SUPT3H: variants seen among roughly 807,000 people sequenced by gnomAD.
SUPT3H encodes transcription initiation protein SPT3 homolog.
SUPT3H carries 44 observed loss-of-function variants against 44.3 expected under a neutral mutation model. That is an observed-to-expected ratio of 0.99 (90% CI 0.78 to 1.28). The LOEUF is 1.28. SUPT3H is among the 50% of genes most tolerant of loss of function. SUPT3H has a pLI of 0.00. For synonymous variants in SUPT3H, 124 were observed against 125.6 expected (o/e 0.99, Z 0.09); for missense variants, 380 against 387.1 (o/e 0.98, Z 0.15).
chr6:45,157,182 G>C (rs1807968366), intron 2 of SUPT3H, among the ~76,000 whole-genome samples: 1 of 151,910 alleles, frequency 6.6e-6, no homozygotes, highest in Admixed American at 6.6e-5. Flanking sequence ...TCGTAGAAAA[G>C]AGTTTCAATA....
chr6:45,359,132 A>G (rs1793791956), intron 2 of SUPT3H, among the ~76,000 whole-genome samples: 1 of 152,150 alleles, frequency 6.6e-6, no homozygotes, highest in Admixed American at 6.5e-5. Flanking sequence ...TTATCTTCTC[A>G]TGAGAGAATT....
intron 2 of SUPT3H, among the ~76,000 whole-genome samples, chr6:45,125,840 AT>A (rs1802353229): frequency 6.6e-6 from 1 of 151,750 alleles, no homozygotes; most frequent in Non-Finnish European, 1.5e-5. Flanking sequence ...AAAAAAAAAA[AT>A]CTTTCTGGTT....
chr6:44,863,479 A>G (rs1004488133), intron 10 of SUPT3H, among the ~76,000 whole-genome samples: 1 of 152,178 alleles, frequency 6.6e-6, no homozygotes, highest in Non-Finnish European at 1.5e-5. Context: ...GCTCTATAGT[A>G]AATGACAGAA....
chr6:44,819,783 AG>A (rs1767162005), intron 11 of SUPT3H, among the ~76,000 whole-genome samples: 1 of 152,114 alleles, frequency 6.6e-6, no homozygotes, highest in African/African-American at 2.4e-5. Context: ...ATCAAAAAAA[AG>A]AAAAAAGGAA....
chr6:45,342,979 A>C (rs1336600163), intron 2 of SUPT3H, among the ~76,000 whole-genome samples: 1 of 152,204 alleles, frequency 6.6e-6, no homozygotes, highest in African/African-American at 2.4e-5. Context: ...CATAACCCTG[A>C]GCAACCAACA....
chr6:45,176,641 G>A (rs1471149406), intron 2 of SUPT3H, among the ~76,000 whole-genome samples: 1 of 152,196 alleles, frequency 6.6e-6, no homozygotes, highest in African/African-American at 2.4e-5. Flanking sequence ...CAAACAAAAA[G>A]ACAGCAGTAA....
chr6:45,238,084 G>A (rs1769542216), intron 2 of SUPT3H, among the ~76,000 whole-genome samples: 2 of 152,134 alleles, frequency 1.3e-5, no homozygotes, highest in Non-Finnish European at 2.9e-5. Context: ...ATGTTAAACA[G>A]TCCAACAATT....
chr6:45,210,122 G>A (rs1385476017), intron 2 of SUPT3H, among the ~76,000 whole-genome samples: 6 of 151,936 alleles, frequency 3.9e-5, no homozygotes, highest in Non-Finnish European at 5.9e-5. Context: ...TAAGGCTACT[G>A]GAAAGGAAAA....
intron 1 of SUPT3H, among the ~76,000 whole-genome samples, chr6:45,368,459 TG>T (rs1343704681): frequency 1.3e-5 from 2 of 152,152 alleles, no homozygotes; most frequent in Non-Finnish European, 2.9e-5. Context: ...TTAATTGTAG[TG>T]AAGTTAATCA....
intron 2 of SUPT3H, among the ~76,000 whole-genome samples, chr6:45,290,455 T>TTAA (rs67882992): frequency 0.32 from 27,442 of 85,534 alleles, 4,085 homozygotes; most frequent in Non-Finnish European, 0.42. Flanking sequence ...GCATGGATGA[T>TTAA]CAAAAAAAAA....
intron 2 of SUPT3H, among the ~76,000 whole-genome samples, chr6:45,241,743 A>T (rs1042738103): frequency 2.0e-5 from 3 of 152,182 alleles, no homozygotes; most frequent in Non-Finnish European, 1.5e-5. Flanking sequence ...TGTGGCCAAG[A>T]AAGTACATGA....
chr6:44,859,034 T>C (rs1375054712), intron 10 of SUPT3H, among the ~76,000 whole-genome samples: 2 of 152,198 alleles, frequency 1.3e-5, no homozygotes, highest in African/African-American at 4.8e-5. Context: ...TTAATTTGGA[T>C]TGGGCCTTTC....
intron 2 of SUPT3H, among the ~76,000 whole-genome samples, chr6:45,145,181 G>T (rs1284439344): frequency 6.6e-6 from 1 of 151,718 alleles, no homozygotes; most frequent in Non-Finnish European, 1.5e-5. Flanking sequence ...AAAATTCATA[G>T]GGGACCAATA....
intron 2 of SUPT3H, among the ~76,000 whole-genome samples, chr6:45,224,902 T>C (rs1766677688): frequency 6.6e-6 from 1 of 152,128 alleles, no homozygotes; most frequent in Admixed American, 6.5e-5. Flanking sequence ...TATAATAAAT[T>C]TTGACACAGA....
chr6:44,922,632 AATCT>A (rs1441808352), intron 10 of SUPT3H, among the ~76,000 whole-genome samples: 3 of 152,196 alleles, frequency 2.0e-5, no homozygotes, highest in Non-Finnish European at 2.9e-5. Context: ...GTAAATAAAT[AATCT>A]ATTTAAATAG....
chr6:44,940,983 T>C (rs760494505), intron 9 of SUPT3H, among the ~76,000 whole-genome samples: 17 of 152,136 alleles, frequency 1.1e-4, no homozygotes, highest in Admixed American at 4.6e-4. Context: ...AAGCAACATA[T>C]AGTTAAATCA....
At chr6:45,206,129 G>C (rs1392594210) in intron 2 of SUPT3H, among the ~76,000 whole-genome samples, 1 of 152,156 alleles carries the variant, frequency 6.6e-6, no homozygotes, top group African/African-American at 2.4e-5. Flanking sequence ...CCATGTGTGA[G>C]AGATACAATA....
At chr6:44,931,789 T>C (rs1283506126) in intron 10 of SUPT3H, among the ~76,000 whole-genome samples, 1 of 151,902 alleles carries the variant, frequency 6.6e-6, no homozygotes, top group Non-Finnish European at 1.5e-5. Flanking sequence ...AAAAAGATAA[T>C]ATAGACAAAA....
chr6:44,866,527 TA>T (rs60295667), intron 10 of SUPT3H, among the ~76,000 whole-genome samples: 141,349 of 149,822 alleles, frequency 0.94, 66,747 homozygotes, highest in East Asian at 1. Context: ...CTTAGGAAAA[TA>T]AAAAAAAAAA....
Sources: allele counts gnomAD v4.1 joint callset (sites outside exome capture counted in the v4.1 genomes callset), GRCh38; gene constraint gnomAD v4.1.1; transcripts MANE v1.5; gene names NCBI Gene and HGNC (gene_info 2026-07-23, HGNC 2026-07-21).